The following CAP2 variants were observed in gnomAD, a reference collection of about 807,000 sequenced individuals.
CAP2 encodes the protein adenylyl cyclase-associated protein 2.
A neutral mutation model predicts 57.7 loss-of-function variants in CAP2; 24 were observed. The ratio of observed to expected loss-of-function variants is 0.42; its 90% CI spans 0.30 to 0.58. The LOEUF is 0.58. Ranked by LOEUF, CAP2 falls within the 20% of genes least tolerant of loss-of-function variation. CAP2 has a pLI of 0.22. For synonymous variants in CAP2, 194 were observed against 207.2 expected (o/e 0.94, Z 0.55); for missense variants, 501 against 590.3 (o/e 0.85, Z 1.57).
At chr6:17,550,280 A>G (rs1481922094) in intron 11 of CAP2, among the ~76,000 whole-genome samples, 1 of 152,048 alleles carries the variant, frequency 6.6e-6, no homozygotes, top group African/African-American at 2.4e-5. Flanking sequence ...TTTAGAAAAG[A>G]CATCTAGAAA....
chr6:17,411,741 C>T (rs1251503187), intron 1 of CAP2, among the ~76,000 whole-genome samples: 1 of 152,056 alleles, frequency 6.6e-6, no homozygotes, highest in East Asian at 1.9e-4. Flanking sequence ...CCCTCCTGCC[C>T]AGTCTGTAGT....
intron 4 of CAP2, among the ~76,000 whole-genome samples, chr6:17,501,000 G>C (rs1383293859): frequency 6.6e-6 from 1 of 152,158 alleles, no homozygotes; most frequent in Non-Finnish European, 1.5e-5. Context: ...TTAAATGTAG[G>C]TGGAACCCAA....
chr6:17,541,181 A>G, intron 9 of CAP2, 33 bp downstream of exon 9: 1 of 1,547,066 alleles, frequency 6.5e-7, no homozygotes, highest in African/African-American at 1.4e-5. Flanking sequence ...TATTTTCCTG[A>G]CATGCGCCAA....
chr6:17,532,415 A>G (rs1355959837), intron 7 of CAP2, among the ~76,000 whole-genome samples: 1 of 144,580 alleles, frequency 6.9e-6, no homozygotes, highest in Non-Finnish European at 1.5e-5. Flanking sequence ...TGCTGGGATT[A>G]CAGGCGTGAG....
intron 7 of CAP2, among the ~76,000 whole-genome samples, chr6:17,531,983 C>T (rs1210124956): frequency 6.6e-6 from 1 of 152,202 alleles, no homozygotes; most frequent in Admixed American, 6.5e-5. Flanking sequence ...CATCAAGTAC[C>T]CCATTCCCAG....
intron 4 of CAP2, among the ~76,000 whole-genome samples, chr6:17,477,026 C>T (rs1308533723): frequency 6.6e-6 from 1 of 152,030 alleles, no homozygotes; most frequent in Non-Finnish European, 1.5e-5. Context: ...TGTGTAGCCA[C>T]TCCCAGCTAA....
At chr6:17,429,442 T>C (rs541537694) in intron 3 of CAP2, among the ~76,000 whole-genome samples, 1 of 152,290 alleles carries the variant, frequency 6.6e-6, no homozygotes, top group Non-Finnish European at 1.5e-5. Flanking sequence ...TATAAATAAG[T>C]ATATTTAACT....
chr6:17,443,512 A>G (rs1179847555), intron 3 of CAP2, among the ~76,000 whole-genome samples: 1 of 151,990 alleles, frequency 6.6e-6, no homozygotes, highest in Admixed American at 6.6e-5. Context: ...CTCTTTACAT[A>G]CTGATTTCGT....
intron 4 of CAP2, among the ~76,000 whole-genome samples, chr6:17,467,564 C>A (rs1280082487): frequency 6.6e-6 from 1 of 152,134 alleles, no homozygotes; most frequent in African/African-American, 2.4e-5. Flanking sequence ...TGCTCTGTCA[C>A]CCAGGCTGGA....
chr6:17,398,227 A>G (rs1007506076), intron 1 of CAP2, among the ~76,000 whole-genome samples: 1 of 152,192 alleles, frequency 6.6e-6, no homozygotes, highest in African/African-American at 2.4e-5. Context: ...TCAAAGGAAC[A>G]TTACTTTAAT....
rs1561782691 is a variant in CAP2 at position 17,436,090 on chromosome 6, C to CTTTCT, written c.222+9402_222+9403insTCTTT. ...GAATCTTTCTTTCTTTCTTTCTTTC[C>CTTTCT]TTCCTTCCTTCCTTCCTTCCTTCCT... On this transcript the variant is annotated intron_variant, in intron 3 of 12. Coordinates refer to ENST00000229922, the MANE Select transcript of CAP2 (RefSeq NM_006366.3). Among the ~76,000 whole-genome samples the CTTTCT allele has an allele frequency of 6.1e-3, 393 of 63,968 alleles. 1 individual carries two copies. The highest frequency in any genetic ancestry group is 0.012 in the African/African-American group (348 of 29,834). The allele number at this position is 63,968 out of a possible 152,430, so 42.0% of individuals were successfully genotyped here. A position where few individuals can be genotyped will look rare whatever the true frequency, so the allele number is the denominator to read the frequency against.
At chr6:17,470,948 G>T (rs1396066434) in intron 4 of CAP2, among the ~76,000 whole-genome samples, 2 of 152,154 alleles carry the variant, frequency 1.3e-5, no homozygotes, top group African/African-American at 4.8e-5. Flanking sequence ...ATAAATAGAT[G>T]TATCTATGTA....
At position 17,541,023 on chromosome 6, in the gene CAP2, C is replaced by T. The variant is rs201321988; in HGVS notation, c.877C>T (p.Arg293Trp). The change falls in exon 9 of 13, where the codon CGG becomes TGG. Residue 293 changes from arginine to tryptophan, a missense_variant. Arg to Trp is a moderately radical substitution (Grantham distance 101, BLOSUM62 -3). Transcript: ENST00000229922. Reference protein sequence around the residue: ...DQKTYKNPSLRAQGGQTQSPT... With the variant: ...DQKTYKNPSLWAQGGQTQSPT... ...GAAGACATACAAAAATCCCAGCCTG[C>T]GGGCTCAAGGAGGGCAAACTCAATC... 3.0e-5 allele frequency: 48 copies of T among 1,613,846 alleles called. No individual in the cohort carries two copies. Among genetic ancestry groups the T allele is most frequent in the East Asian group, 4.5e-5 (2 of 44,890 alleles).
rs868105052 is a variant in CAP2 at position 17,521,671 on chromosome 6, A to G, written c.636+7717A>G. 2.0e-4 allele frequency among the ~76,000 whole-genome samples: 31 copies of G among 152,306 alleles called. 1 individual carries two copies. Among genetic ancestry groups the G allele is most frequent in the African/African-American group, 6.7e-4 (28 of 41,562 alleles). ...AGCTGAAGAAGATGAGCAATGCACC[A>G]TGATAGAACAGGGGGAGCAGTGTGC... On this transcript the variant is annotated intron_variant, in intron 7 of 12. Coordinates refer to ENST00000229922, the MANE Select transcript of CAP2 (RefSeq NM_006366.3).
At chr6:17,536,295 C>T (rs1762772192) in intron 7 of CAP2, 1 of 456,572 alleles carries the variant, frequency 2.2e-6, no homozygotes, top group Non-Finnish European at 4.4e-6. Flanking sequence ...TCACGGAGAT[C>T]CAGTGAAGGG....
chr6:17,409,936 A>G (rs1759094558), intron 1 of CAP2, among the ~76,000 whole-genome samples: 1 of 151,866 alleles, frequency 6.6e-6, no homozygotes, highest in Admixed American at 6.6e-5. Context: ...GGCCCTGACT[A>G]CCACCCCTTC....
intron 12 of CAP2, 40 bp downstream of exon 12, chr6:17,551,644 G>A (rs745816435): frequency 6.7e-7 from 1 of 1,490,056 alleles, no homozygotes; most frequent in Non-Finnish European, 9.1e-7. Context: ...TTTTTCTGGA[G>A]CCTTCATTAT....
Position 17,493,568 on chromosome 6 carries a change from T to C in CAP2, c.301-13601T>C, listed in dbSNP as rs373327081. ...CAATACAGAGCTCACCCCTGGCTGA[T>C]TGAGGGCCAGAAGCGCCATTCTTGT... On this transcript the variant is annotated intron_variant, in intron 4 of 12. Transcript: ENST00000229922. The C allele has an allele frequency of 1.1e-4, 21 of 192,760 alleles. No individual in the cohort carries two copies. The East Asian group carries it at 2.3e-3, about 21-fold the overall frequency. 11.9% of individuals were successfully genotyped at this position (192,760 alleles called of 1,614,324 possible).
At chr6:17,436,500 A>T (rs1430217237) in intron 3 of CAP2, among the ~76,000 whole-genome samples, 4 of 152,174 alleles carry the variant, frequency 2.6e-5, no homozygotes, top group Non-Finnish European at 4.4e-5. Flanking sequence ...GGCAGTCAGG[A>T]AACAAGAAAT....
Sources: allele counts gnomAD v4.1 joint callset (sites outside exome capture counted in the v4.1 genomes callset), GRCh38; gene constraint gnomAD v4.1.1; transcripts MANE v1.5; gene names NCBI Gene and HGNC (gene_info 2026-07-23, HGNC 2026-07-21).